Variants in FBN2 observed in about 807,000 individuals in gnomAD.
FBN2 encodes fibrillin 2.
FBN2 carries 105 observed loss-of-function variants against 355.6 expected under a neutral mutation model. That is an observed-to-expected ratio of 0.30 (90% confidence interval 0.25 to 0.35). FBN2 has a LOEUF of 0.35. Among genes scored for constraint, FBN2 ranks in the 10% least tolerant of loss-of-function variants. The pLI is 1.00. For missense variants in FBN2, 3,280 were observed against 3,758.7 expected, an observed-to-expected ratio of 0.87 and a Z score of 3.33; for synonymous variants, 1,350 against 1,301.2, an observed-to-expected ratio of 1.04 and a Z score of -0.81.
At chr5:128,364,335 T>C (rs1251140455) in intron 18 of FBN2, among the ~76,000 whole-genome samples, 1 of 152,192 alleles carries the variant, frequency 6.6e-6, no homozygotes, top group African/African-American at 2.4e-5. Context: ...AGGATTAAGG[T>C]ATATGCAGGA....
In FBN2 at chr5:128,353,099, G is replaced by A. The variant is rs189882390; in HGVS notation, c.2675-2094C>T. On this transcript the variant is annotated intron_variant, in intron 20 of 64. Transcript: ENST00000262464. ...GAGGTGGGAGGATTGCCTGAGCCCC[G>A]TAGGCAGAGGCTGCAGTGAGATCGT... Among the ~76,000 whole-genome samples, 139 of 151,940 alleles carry A rather than the reference G, an allele frequency of 9.1e-4. 2 individuals carry two copies. The highest frequency in any genetic ancestry group is 6.8e-3 in the Middle Eastern group (2 of 294).
Position 128,366,415 on chromosome 5 carries a change from A to G in FBN2, c.2264T>C (p.Leu755Pro). 2 of 1,604,916 alleles carry G rather than the reference A, an allele frequency of 1.2e-6. No homozygotes were observed. The highest frequency in any genetic ancestry group is 1.1e-5 in the South Asian group (1 of 90,558). ...AGTGATACCTACTCCACTACTACAA[A>G]GGCCGTGGAATTCAGCTGTATGACA... Reference protein sequence around the residue: ...PAKNSAEFHGLCSSGVGITVD... With the variant: ...PAKNSAEFHGPCSSGVGITVD... Residue 755 changes from leucine to proline, a missense_variant, in exon 17 of 65, where the codon CTT becomes CCT. Physicochemically the swap from Leu to Pro is moderately conservative, Grantham distance 98. Around this residue, in one of 6 missense-constraint regions of FBN2, gnomAD observed 2,284 missense variants for 2,749.5 expected, o/e 0.83. Transcript: ENST00000262464.
chr5:128,345,642 A>T, intron 23 of FBN2, 58 bp from the exon 24 acceptor site: 2 of 1,473,928 alleles, frequency 1.4e-6, no homozygotes, highest in South Asian at 2.3e-5. Context: ...TTGAACAGTC[A>T]CATGTCAAGC....
At position 128,512,434 on chromosome 5, in the gene FBN2, AC is replaced by A. The variant is rs1411537247; in HGVS notation, c.628+6838del. 2.7e-5 allele frequency among the ~76,000 whole-genome samples: 4 copies of A among 147,120 alleles called. No individual in the cohort carries two copies. In the South Asian group the frequency reaches 6.5e-4, roughly 24 times the overall value. On this transcript the variant is annotated intron_variant, in intron 5 of 64. Transcript: ENST00000262464. ...AGGCTGAGGCAGGAGAATAGCTTGA[AC>A]CGGGGAGGCGGAGATTGCAGTGAGC...
intron 62 of FBN2, among the ~76,000 whole-genome samples, chr5:128,268,862 T>A (rs1765187056): frequency 6.6e-6 from 1 of 152,192 alleles, no homozygotes; most frequent in African/African-American, 2.4e-5. Flanking sequence ...TAGATATTGA[T>A]GGAATGTATC....
At chr5:128,483,504 G>GT (rs930513604) in intron 5 of FBN2, among the ~76,000 whole-genome samples, 2,156 of 146,328 alleles carry the variant, frequency 0.015, 51 homozygotes, top group African/African-American at 0.047. Flanking sequence ...GGTTGGCTGA[G>GT]TTTTTTTTTT....
At chr5:128,501,326 C>T (rs1472470655) in intron 5 of FBN2, among the ~76,000 whole-genome samples, 1 of 152,160 alleles carries the variant, frequency 6.6e-6, no homozygotes, top group Non-Finnish European at 1.5e-5. Context: ...CTCTTCCTTT[C>T]CTCATAGGGG....
chr5:128,487,247 C>T (rs1412542190), intron 5 of FBN2, among the ~76,000 whole-genome samples: 1 of 152,124 alleles, frequency 6.6e-6, no homozygotes, highest in Non-Finnish European at 1.5e-5. Flanking sequence ...TTCCAAGTCC[C>T]TTAGTAACTA....
chr5:128,413,228 G>A (rs1046742153), intron 7 of FBN2, among the ~76,000 whole-genome samples: 1 of 152,156 alleles, frequency 6.6e-6, no homozygotes, highest in Non-Finnish European at 1.5e-5. Flanking sequence ...TGAAGTTATG[G>A]CAACATATGA....
intron 5 of FBN2, among the ~76,000 whole-genome samples, chr5:128,513,706 CCT>C (rs548424546): frequency 5.3e-5 from 8 of 152,266 alleles, no homozygotes; most frequent in Admixed American, 1.3e-4. Flanking sequence ...GATTTTTCTC[CCT>C]GATTTAAGTC....
At chr5:128,348,233 C>A (rs1310045410) in intron 23 of FBN2, among the ~76,000 whole-genome samples, 1 of 152,008 alleles carries the variant, frequency 6.6e-6, no homozygotes, top group African/African-American at 2.4e-5. Flanking sequence ...TTATTTTTGA[C>A]ATTTTCTTTT....
intron 9 of FBN2, among the ~76,000 whole-genome samples, chr5:128,393,997 T>G (rs1424803977): frequency 6.6e-6 from 1 of 152,100 alleles, no homozygotes; most frequent in Non-Finnish European, 1.5e-5. Context: ...GGAAAAAAAA[T>G]TATTAATTAT....
chr5:128,310,160 T>C (rs1224414383), intron 39 of FBN2, 52 bp from the exon 40 acceptor site: 2 of 1,444,694 alleles, frequency 1.4e-6, no homozygotes, highest in South Asian at 2.4e-5. Flanking sequence ...TTTCAATGAA[T>C]TTATATTACT....
chr5:128,422,915 G>T (rs1753388746), intron 7 of FBN2, among the ~76,000 whole-genome samples: 1 of 152,036 alleles, frequency 6.6e-6, no homozygotes, highest in Admixed American at 6.6e-5. Context: ...AACAAAAAAA[G>T]ATGCAGCTGG....
rs751642568 is a variant in FBN2, at chr5:128,491,298, C to T, written c.629-26377G>A. The stretch of plus-strand genomic sequence containing the variant: ...TCAAAAGTATAATTAGGATTTTCTT[C>T]ATCAGACAACTTTTCTGTAACGCAA... On this transcript the variant is annotated intron_variant, in intron 5 of 64. Coordinates refer to ENST00000262464, the MANE Select transcript of FBN2 (RefSeq NM_001999.4). Among the ~76,000 whole-genome samples the T allele has an allele frequency of 3.0e-4, 46 of 152,214 alleles. 1 individual carries two copies. Among genetic ancestry groups the T allele is most frequent in the Non-Finnish European group, 4.7e-4 (32 of 68,036 alleles).
intron 44 of FBN2, 140 bp from the exon 45 acceptor site, chr5:128,305,222 T>G: frequency 1.2e-6 from 1 of 867,472 alleles, no homozygotes; most frequent in Non-Finnish European, 1.8e-6. Flanking sequence ...TGAATCAAAA[T>G]GAGCAGGACT....
At chr5:128,525,604 GAA>G (rs1213824845) in intron 4 of FBN2, among the ~76,000 whole-genome samples, 1 of 152,086 alleles carries the variant, frequency 6.6e-6, no homozygotes, top group Non-Finnish European at 1.5e-5. Context: ...ATTCTTGCTA[GAA>G]AACTGGCCTC....
At chr5:128,321,547 G>A (rs1750375501) in intron 34 of FBN2, among the ~76,000 whole-genome samples, 2 of 152,204 alleles carry the variant, frequency 1.3e-5, no homozygotes, top group Admixed American at 1.3e-4. Flanking sequence ...GCAGTGTTCG[G>A]TTTTCTGTTC....
At chr5:128,459,570 A>G (rs1205713084) in intron 6 of FBN2, among the ~76,000 whole-genome samples, 1 of 152,214 alleles carries the variant, frequency 6.6e-6, no homozygotes, top group African/African-American at 2.4e-5. Flanking sequence ...AATACTGGCA[A>G]ACTGAATCCA....
Sources: gnomAD v4.1 joint callset for allele counts (sites outside exome capture counted in the v4.1 genomes callset) on GRCh38, gnomAD v4.1.1 for gene constraint, gnomAD v4.1.1 regional missense constraint, MANE v1.5 for transcripts, NCBI Gene and HGNC (gene_info 2026-07-23, HGNC 2026-07-21) for gene names.